The following NEK1 variants were observed in gnomAD, a reference collection of about 807,000 sequenced individuals.
NEK1 encodes the protein NIMA related kinase 1, also known as serine/threonine-protein kinase Nek1.
NEK1 carries 137 observed loss-of-function variants against 182.1 expected under a neutral mutation model. The ratio of observed to expected loss-of-function variants is 0.75; its 90% confidence interval spans 0.65 to 0.87. NEK1 has a LOEUF of 0.87. Among genes scored for constraint, NEK1 ranks in the 40% least tolerant of loss-of-function variants. The pLI is 0.00. For missense variants in NEK1, 1,391 were observed against 1,494.4 expected (o/e 0.93, Z 1.14); for synonymous variants, 513 against 492.2 (o/e 1.04, Z -0.56).
chr4:169,505,061 C>A (rs958693315), intron 23 of NEK1, among the ~76,000 whole-genome samples: 3 of 151,922 alleles, frequency 2.0e-5, no homozygotes, highest in African/African-American at 7.3e-5. Flanking sequence ...GCACAACTTA[C>A]AGAAAACAGG....
At chr4:169,553,964 C>T (rs754394258) in intron 18 of NEK1, 2 of 152,304 alleles carry the variant, frequency 1.3e-5, no homozygotes, top group Non-Finnish European at 2.9e-5. Flanking sequence ...ACTCTTAAGA[C>T]ATGATCCAGC....
intron 18 of NEK1, among the ~76,000 whole-genome samples, chr4:169,544,545 C>A (rs1365633719): frequency 6.7e-6 from 1 of 149,604 alleles, no homozygotes; most frequent in Non-Finnish European, 1.5e-5. Flanking sequence ...AGGAATGGTA[C>A]CAGCTCCTCT....
chr4:169,611,657 A>G (rs28439336), intron 2 of NEK1, among the ~76,000 whole-genome samples: 42,993 of 152,126 alleles, frequency 0.28, 8,639 homozygotes, highest in African/African-American at 0.58. Flanking sequence ...TCATGGAAAC[A>G]GAAATCTAAG....
chr4:169,490,589 C>T (rs1406213624), intron 23 of NEK1, among the ~76,000 whole-genome samples: 1 of 151,654 alleles, frequency 6.6e-6, no homozygotes, highest in Non-Finnish European at 1.5e-5. Flanking sequence ...GCAAAATAAT[C>T]CATGATATGA....
At chr4:169,608,454 G>A (rs1771761335) in intron 2 of NEK1, among the ~76,000 whole-genome samples, 1 of 152,118 alleles carries the variant, frequency 6.6e-6, no homozygotes, top group Non-Finnish European at 1.5e-5. Context: ...CTAAAATACT[G>A]AAATGTAAGA....
chr4:169,556,882 A>AT (rs1363423743), intron 16 of NEK1, among the ~76,000 whole-genome samples: 6 of 152,160 alleles, frequency 3.9e-5, no homozygotes, highest in African/African-American at 1.4e-4. Flanking sequence ...CAATGTATGT[A>AT]TATATTTAGG....
intron 31 of NEK1, among the ~76,000 whole-genome samples, chr4:169,412,834 T>C (rs1733892228): frequency 6.8e-6 from 1 of 147,430 alleles, no homozygotes; most frequent in Non-Finnish European, 1.5e-5. Context: ...AAGGCTTATC[T>C]ACGTTTCAGG....
At chr4:169,403,520 T>C (rs1732046210) in intron 32 of NEK1, among the ~76,000 whole-genome samples, 1 of 152,248 alleles carries the variant, frequency 6.6e-6, no homozygotes, top group Middle Eastern at 3.4e-3. Context: ...CTGTGAACTA[T>C]GATTGCAGCA....
intron 22 of NEK1, among the ~76,000 whole-genome samples, chr4:169,507,444 C>T (rs960692330): frequency 5.3e-5 from 8 of 151,372 alleles, no homozygotes; most frequent in South Asian, 2.1e-4. Context: ...GATGTATATT[C>T]GTATATTTTT....
chr4:169,593,515 G>A (rs576197066), intron 5 of NEK1, among the ~76,000 whole-genome samples: 2 of 152,326 alleles, frequency 1.3e-5, no homozygotes, highest in South Asian at 2.1e-4. Context: ...AAGCTGGACA[G>A]AAGAGGTGAT....
At chr4:169,607,596 G>A (rs917803505) in intron 2 of NEK1, among the ~76,000 whole-genome samples, 3 of 151,990 alleles carry the variant, frequency 2.0e-5, no homozygotes, top group African/African-American at 4.8e-5. Flanking sequence ...CCAAGTAGCT[G>A]GGACTACAGG....
Position 169,453,838 on chromosome 4 carries a change from G to A in NEK1, c.2587+9405C>T, listed in dbSNP as rs189746100. On this transcript the variant is annotated intron_variant, in intron 27 of 35. Transcript: ENST00000507142. ...CAGCTCTGAAAGCTGTGAGACCCCTGATTTCCCACTTCACACCTCTATATT... is the reference window on the plus strand; with the variant it reads ...CAGCTCTGAAAGCTGTGAGACCCCTAATTTCCCACTTCACACCTCTATATT... 4.0e-3 allele frequency among the ~76,000 whole-genome samples: 606 copies of A among 152,262 alleles called. 5 individuals carry two copies. The highest frequency in any genetic ancestry group is 0.03 in the South Asian group (147 of 4,824).
intron 10 of NEK1, among the ~76,000 whole-genome samples, chr4:169,584,313 TTAA>T (rs1444982983): frequency 6.6e-6 from 1 of 152,120 alleles, no homozygotes; most frequent in African/African-American, 2.4e-5. Flanking sequence ...ATAAATTACG[TTAA>T]TAACACATTT....
chr4:169,472,895 A>T (rs1441573166), intron 26 of NEK1, among the ~76,000 whole-genome samples: 2 of 152,228 alleles, frequency 1.3e-5, no homozygotes, highest in Non-Finnish European at 2.9e-5. Flanking sequence ...ATACTTAAAC[A>T]AATGAAGAAG....
intron 19 of NEK1, among the ~76,000 whole-genome samples, chr4:169,535,828 C>T (rs1330865393): frequency 2.0e-5 from 3 of 146,618 alleles, no homozygotes; most frequent in Admixed American, 6.9e-5. Context: ...TGCAGTGAGC[C>T]GAGACTGCGC....
intron 33 of NEK1, 81 bp downstream of exon 33, chr4:169,401,571 C>T (rs2111027996): frequency 1.6e-6 from 2 of 1,250,678 alleles, no homozygotes; most frequent in African/African-American, 1.5e-5. Flanking sequence ...AAATGGTTCA[C>T]AGCAGAGATT....
chr4:169,441,004 T>A (rs953371666), intron 27 of NEK1, among the ~76,000 whole-genome samples: 1 of 152,126 alleles, frequency 6.6e-6, no homozygotes, highest in Admixed American at 6.5e-5. Flanking sequence ...TGACATTTAC[T>A]CCATGTCCAC....
intron 27 of NEK1, among the ~76,000 whole-genome samples, chr4:169,438,928 G>A (rs1349246574): frequency 6.6e-6 from 1 of 151,992 alleles, no homozygotes; most frequent in Non-Finnish European, 1.5e-5. Context: ...ATTAATTATA[G>A]CCTCTTTAAA....
In NEK1 at chr4:169,426,502, C is replaced by T. The variant is rs78574308; in HGVS notation, c.2886-268G>A. ...TTCTCAAAGTACAGTCCCCAAACAA[C>T]GGCATAGTAAAGAAACTGGTTAGAA... On this transcript the variant is annotated intron_variant, in intron 29 of 35. Coordinates refer to ENST00000507142, the MANE Select transcript of NEK1 (RefSeq NM_001199397.3). Among the ~76,000 whole-genome samples the T allele has an allele frequency of 1.4e-4, 21 of 152,306 alleles. No individual in the cohort carries two copies. In the East Asian group the frequency reaches 2.9e-3, roughly 21 times the overall value.
Sources: allele counts gnomAD v4.1 joint callset (sites outside exome capture counted in the v4.1 genomes callset), GRCh38; gene constraint gnomAD v4.1.1; transcripts MANE v1.5; gene names NCBI Gene and HGNC (gene_info 2026-07-23, HGNC 2026-07-21).